COL21A1: variants seen among roughly 807,000 people sequenced by gnomAD.
COL21A1 encodes the protein collagen alpha-1(XXI) chain.
COL21A1 carries 149 observed loss-of-function variants against 137.9 expected under a neutral mutation model. The ratio of observed to expected loss-of-function variants is 1.08; its 90% CI spans 0.95 to 1.24. The LOEUF is 1.24. Ranked by LOEUF, COL21A1 falls within the 50% of genes most tolerant of loss-of-function variation. The pLI is 0.00. For missense variants in COL21A1, 1,167 were observed against 1,158.4 expected (o/e 1.01, Z -0.11); for synonymous variants, 456 against 391.5 (o/e 1.16, Z -1.95).
chr6:56,361,898 A>T (rs1037666193), intron 1 of COL21A1, among the ~76,000 whole-genome samples: 2 of 152,220 alleles, frequency 1.3e-5, no homozygotes, highest in African/African-American at 4.8e-5. Context: ...TCCATGGTTC[A>T]TCCACAAGGA....
intron 10 of COL21A1, among the ~76,000 whole-genome samples, chr6:56,145,565 A>G (rs190808152): frequency 3.4e-4 from 52 of 152,288 alleles, no homozygotes; most frequent in Admixed American, 1.6e-3. Flanking sequence ...GAAATAAAAC[A>G]TTGGTTGACT....
intron 1 of COL21A1, chr6:56,276,647 C>T: frequency 6.9e-7 from 1 of 1,444,970 alleles, no homozygotes; most frequent in Non-Finnish European, 9.7e-7. Flanking sequence ...TTCTGGAAAA[C>T]ACGTGTCACT....
intron 1 of COL21A1, among the ~76,000 whole-genome samples, chr6:56,267,439 C>T (rs1335526386): frequency 2.0e-5 from 3 of 152,120 alleles, no homozygotes; most frequent in Non-Finnish European, 2.9e-5. Context: ...TGGAAAAAAC[C>T]TGGGTCCCCA....
At chr6:56,067,932 G>A (rs908388112) in intron 22 of COL21A1, among the ~76,000 whole-genome samples, 2 of 151,510 alleles carry the variant, frequency 1.3e-5, no homozygotes, top group Non-Finnish European at 3.0e-5. Flanking sequence ...AGCTAAACTT[G>A]GACACGGTTT....
intron 12 of COL21A1, among the ~76,000 whole-genome samples, chr6:56,130,221 A>G (rs1773444981): frequency 7.3e-6 from 1 of 137,386 alleles, no homozygotes; most frequent in South Asian, 2.3e-4. Flanking sequence ...AAAATTTCAA[A>G]TTACATATTT....
chr6:56,207,278 T>C (rs548212114), intron 1 of COL21A1, among the ~76,000 whole-genome samples: 21 of 151,982 alleles, frequency 1.4e-4, no homozygotes, highest in African/African-American at 5.1e-4. Flanking sequence ...ATCCACAAAA[T>C]AGACAGCTAA....
intron 3 of COL21A1, among the ~76,000 whole-genome samples, chr6:56,172,904 G>A (rs1473402756): frequency 1.3e-5 from 2 of 151,364 alleles, no homozygotes; most frequent in Admixed American, 1.3e-4. Context: ...AATACCTACG[G>A]AAGATAAATA....
At chr6:56,101,649 T>C (rs1256074816) in intron 16 of COL21A1, 124 bp from the exon 17 acceptor site, 6 of 706,208 alleles carry the variant, frequency 8.5e-6, no homozygotes, top group Non-Finnish European at 1.4e-5. Context: ...AAATTACTTC[T>C]GGACTACTGA....
intron 1 of COL21A1, among the ~76,000 whole-genome samples, chr6:56,309,073 T>G (rs960125798): frequency 1.3e-5 from 2 of 151,810 alleles, no homozygotes; most frequent in African/African-American, 4.8e-5. Context: ...CGAGACAGCC[T>G]TGATCTGTCG....
rs370912776 is a variant in COL21A1, at chr6:56,179,641, A to G, written c.577T>C (p.Tyr193His). Reference protein sequence around the residue: ...ANKPSSTYVFYVEDYIAISKI... With the variant: ...ANKPSSTYVFHVEDYIAISKI... ...GATATTGCAATATAGTCTTCCACAT[A>G]AAACACATAAGTAGACGAAGGCTTG... Residue 193 changes from tyrosine (Y) to histidine (H), a missense_variant, in exon 3 of 30, where the codon TAT (tyrosine) becomes CAT (histidine). Coordinates refer to ENST00000244728, the MANE Select transcript of COL21A1 (RefSeq NM_030820.4). 5.6e-5 allele frequency: 91 copies of G among 1,613,784 alleles called. No homozygotes were observed. Among genetic ancestry groups the G allele is most frequent in the Non-Finnish European group, 7.6e-5 (90 of 1,179,838 alleles).
chr6:56,168,524 C>T (rs979138282), intron 5 of COL21A1, among the ~76,000 whole-genome samples: 1 of 152,046 alleles, frequency 6.6e-6, no homozygotes, highest in Non-Finnish European at 1.5e-5. Flanking sequence ...AAGAAACTGT[C>T]AAACAACTTA....
intron 10 of COL21A1, among the ~76,000 whole-genome samples, chr6:56,146,077 A>G (rs551532112): frequency 6.6e-6 from 1 of 152,296 alleles, no homozygotes; most frequent in East Asian, 1.9e-4. Flanking sequence ...ATATTCTGCC[A>G]ATCTAAATAT....
intron 16 of COL21A1, among the ~76,000 whole-genome samples, chr6:56,105,854 C>T (rs1770840117): frequency 6.6e-6 from 1 of 152,176 alleles, no homozygotes; most frequent in South Asian, 2.1e-4. Context: ...GTCTTTGGTT[C>T]TTTGCATATC....
chr6:56,194,246 G>A (rs950361942), intron 1 of COL21A1, among the ~76,000 whole-genome samples: 3 of 152,002 alleles, frequency 2.0e-5, no homozygotes, highest in Non-Finnish European at 4.4e-5. Flanking sequence ...AATTTAAATT[G>A]ACAATCATTA....
chr6:56,061,724 C>T (rs532506083), intron 24 of COL21A1, 43 bp from the exon 25 acceptor site: 4 of 1,382,584 alleles, frequency 2.9e-6, no homozygotes, highest in Non-Finnish European at 4.0e-6. Context: ...GTGCAAGCTA[C>T]AGTACTGTAA....
At chr6:56,192,028 G>A (rs1419070569) in intron 1 of COL21A1, among the ~76,000 whole-genome samples, 5 of 151,984 alleles carry the variant, frequency 3.3e-5, no homozygotes, top group African/African-American at 1.2e-4. Flanking sequence ...ACAGAACAGA[G>A]GCCTCAGAAA....
intron 16 of COL21A1, among the ~76,000 whole-genome samples, chr6:56,114,298 T>C (rs1485627091): frequency 6.6e-6 from 1 of 152,150 alleles, no homozygotes; most frequent in African/African-American, 2.4e-5. Context: ...ACCCAGAGCA[T>C]AGTGGTGGTG....
chr6:56,109,618 GT>G (rs1441010837), intron 16 of COL21A1, among the ~76,000 whole-genome samples: 2 of 151,910 alleles, frequency 1.3e-5, no homozygotes, highest in Non-Finnish European at 2.9e-5. Context: ...ATATTCTGCA[GT>G]GCTTGATTTC....
In COL21A1 at chr6:56,261,280, C is replaced by T. The variant is rs1763267799; in HGVS notation, c.-38-78624G>A. ...TTGCCTGCCTCACCCGAATCATGCT[C>T]CTGGTCCAGAAGCTAACATTATAGT... On this transcript the variant is annotated intron_variant, in intron 1 of 28. Transcript: ENST00000370819. Among the ~76,000 whole-genome samples the T allele has an allele frequency of 3.3e-5, 5 of 152,028 alleles. No individual in the cohort carries two copies. In the South Asian group the frequency reaches 1.0e-3, roughly 32 times the overall value.
Sources: gnomAD v4.1 joint callset for allele counts (sites outside exome capture counted in the v4.1 genomes callset) on GRCh38, gnomAD v4.1.1 for gene constraint, MANE v1.5 for transcripts, NCBI Gene and HGNC (gene_info 2026-07-23, HGNC 2026-07-21) for gene names.